Variants in NLGN1 observed in about 807,000 individuals in gnomAD.
NLGN1 encodes neuroligin 1.
In NLGN1, 12 loss-of-function variants were observed where a neutral mutation model predicts 65.5. The observed-to-expected ratio is 0.18, with a 90% CI of 0.12 to 0.30. The LOEUF (loss-of-function observed/expected upper bound fraction) is 0.30, where lower values mean the gene tolerates loss of function less well. NLGN1 is among the 10% of genes least tolerant of loss of function. NLGN1 has a pLI of 1.00. For missense variants in NLGN1, 750 were observed against 1,007.1 expected (o/e 0.74, Z 3.46); for synonymous variants, 350 against 359.5 (o/e 0.97, Z 0.30).
At chr3:174,285,777 G>A (rs1480014750) in exon 7 of NLGN1, 2 of 151,310 alleles carry the variant, frequency 1.3e-5, no homozygotes, top group Non-Finnish European at 1.5e-5. Context: ...TTCCTCCTGA[G>A]ATTTTATTTA....
chr3:173,991,631 T>G (rs1287644050), intron 4 of NLGN1, among the ~76,000 whole-genome samples: 2 of 152,176 alleles, frequency 1.3e-5, no homozygotes, highest in Admixed American at 6.6e-5. Context: ...TCTACTATAT[T>G]GGATATCACA....
At chr3:174,004,738 G>T (rs915322894) in intron 4 of NLGN1, among the ~76,000 whole-genome samples, 36 of 152,072 alleles carry the variant, frequency 2.4e-4, no homozygotes, top group African/African-American at 7.7e-4. Flanking sequence ...TTATCAAAAT[G>T]TAAAAGCATC....
chr3:173,978,834 TAAAAAAA>T (rs34496124), intron 4 of NLGN1, among the ~76,000 whole-genome samples: 181 of 111,264 alleles, frequency 1.6e-3, no homozygotes, highest in South Asian at 9.6e-3. Flanking sequence ...CTTCTCTAAT[TAAAAAAA>T]AAAAAAAAAA....
intron 3 of NLGN1, among the ~76,000 whole-genome samples, chr3:173,674,192 A>G (rs1762822939): frequency 6.6e-6 from 1 of 152,210 alleles, no homozygotes; most frequent in Non-Finnish European, 1.5e-5. Context: ...ATGAGAGGTA[A>G]ATGAAAAATA....
chr3:173,492,364 A>T (rs932704212), intron 2 of NLGN1, among the ~76,000 whole-genome samples: 1 of 151,798 alleles, frequency 6.6e-6, no homozygotes, highest in African/African-American at 2.4e-5. Context: ...TTACCTTCTT[A>T]GATATATTGC....
At chr3:173,824,929 A>G (rs1721038801) in intron 4 of NLGN1, among the ~76,000 whole-genome samples, 1 of 152,068 alleles carries the variant, frequency 6.6e-6, no homozygotes, top group Admixed American at 6.6e-5. Context: ...AGCGTTGAAC[A>G]CCATGATTTT....
chr3:173,810,515 A>G (rs1375827153), intron 4 of NLGN1, among the ~76,000 whole-genome samples: 1 of 152,208 alleles, frequency 6.6e-6, no homozygotes, highest in Non-Finnish European at 1.5e-5. Context: ...TAATTACAAG[A>G]TCATTGATTT....
In NLGN1 at chr3:173,551,099, T is replaced by C. The variant is rs146792474; in HGVS notation, c.-320-53180T>C. ...CACTTCTAATCTTGTCTCACCTTCA[T>C]TGATAACTTTAACGGTGGAGAAGTC... On this transcript the variant is annotated intron_variant, in intron 2 of 6. Coordinates refer to ENST00000457714, the Ensembl canonical transcript of NLGN1. Among the ~76,000 whole-genome samples, 97 of 152,280 alleles carry C rather than the reference T, an allele frequency of 6.4e-4. 1 individual carries two copies. Among genetic ancestry groups the C allele is most frequent in the African/African-American group, 2.2e-3 (92 of 41,570 alleles).
chr3:173,693,060 C>G (rs1301527527), intron 3 of NLGN1, among the ~76,000 whole-genome samples: 1 of 151,882 alleles, frequency 6.6e-6, no homozygotes, highest in Non-Finnish European at 1.5e-5. Flanking sequence ...CAAGAGTACA[C>G]TACAAGTGAA....
At chr3:173,626,335 T>C (rs1209620272) in intron 3 of NLGN1, among the ~76,000 whole-genome samples, 1 of 152,086 alleles carries the variant, frequency 6.6e-6, no homozygotes. Context: ...TAAAATCTTA[T>C]TCTTTACATT....
chr3:173,734,832 A>G (rs1264887478), intron 3 of NLGN1, among the ~76,000 whole-genome samples: 2 of 152,068 alleles, frequency 1.3e-5, no homozygotes, highest in African/African-American at 4.8e-5. Context: ...AATTATTGCA[A>G]TTGCTTTTTT....
intron 4 of NLGN1, among the ~76,000 whole-genome samples, chr3:174,247,708 CAACA>C (rs1744054278): frequency 6.6e-6 from 1 of 152,106 alleles, no homozygotes; most frequent in Non-Finnish European, 1.5e-5. Flanking sequence ...GAGCCCAAGC[CAACA>C]AACAGTCCAT....
intron 4 of NLGN1, among the ~76,000 whole-genome samples, chr3:174,051,996 G>GA (rs1332152671): frequency 6.6e-6 from 1 of 151,930 alleles, no homozygotes; most frequent in Admixed American, 6.6e-5. Flanking sequence ...TCCTCTCTGT[G>GA]AAAAAAATTA....
In NLGN1 at chr3:174,041,655, G is replaced by T. The variant is rs9829130; in HGVS notation, c.647-233660G>T. Among the ~76,000 whole-genome samples, 5 of 152,124 alleles carry T rather than the reference G, an allele frequency of 3.3e-5. No individual in the cohort carries two copies. In the South Asian group the frequency reaches 6.2e-4, roughly 19 times the overall value. ...TGTTATTCTGGTGGGGTTTGGAGTG[G>T]TATCTCATTGTGGTTTTACTTTTCA... On this transcript the variant is annotated intron_variant, in intron 4 of 6. Coordinates refer to ENST00000457714, the Ensembl canonical transcript of NLGN1.
At chr3:173,446,988 C>T (rs1024532760) in intron 2 of NLGN1, among the ~76,000 whole-genome samples, 3 of 152,066 alleles carry the variant, frequency 2.0e-5, no homozygotes, top group African/African-American at 7.2e-5. Flanking sequence ...GAGTAGGTTG[C>T]AAAAATTTTC....
intron 2 of NLGN1, among the ~76,000 whole-genome samples, chr3:173,475,176 A>T (rs2148943340): frequency 6.6e-6 from 1 of 152,296 alleles, no homozygotes; most frequent in South Asian, 2.1e-4. Flanking sequence ...CTCTGTAATT[A>T]CTAAAGTTTG....
At chr3:173,476,653 G>T (rs1726266283) in intron 2 of NLGN1, among the ~76,000 whole-genome samples, 1 of 152,162 alleles carries the variant, frequency 6.6e-6, no homozygotes, top group South Asian at 2.1e-4. Context: ...CTACACTAAG[G>T]AATCTGCTTT....
intron 2 of NLGN1, among the ~76,000 whole-genome samples, chr3:173,463,517 A>G (rs1723751859): frequency 6.6e-6 from 1 of 152,190 alleles, no homozygotes; most frequent in South Asian, 2.1e-4. Context: ...TGTCTCTGCC[A>G]ATTATCATTC....
At chr3:173,820,192 A>AC (rs1719985584) in intron 4 of NLGN1, among the ~76,000 whole-genome samples, 1 of 145,752 alleles carries the variant, frequency 6.9e-6, no homozygotes, top group Middle Eastern at 3.5e-3. Flanking sequence ...AAAAAAAAAA[A>AC]AAAAAAAAAA....
Sources: allele counts gnomAD v4.1 joint callset (sites outside exome capture counted in the v4.1 genomes callset), GRCh38; gene constraint gnomAD v4.1.1; transcripts MANE v1.5; gene names NCBI Gene and HGNC (gene_info 2026-07-23, HGNC 2026-07-21).